KIRREL3: variants seen among roughly 807,000 people sequenced by gnomAD.
KIRREL3 encodes kirre like nephrin family adhesion molecule 3, also known as kin of IRRE-like protein 3.
KIRREL3 carries 36 observed loss-of-function variants against 89.7 expected under a neutral mutation model. The observed-to-expected ratio is 0.40, with a 90% CI of 0.31 to 0.53. The LOEUF (loss-of-function observed/expected upper bound fraction) is 0.53, where lower values mean the gene tolerates loss of function less well. KIRREL3 is among the 20% of genes least tolerant of loss of function. The pLI, the probability that KIRREL3 is intolerant of heterozygous loss-of-function variation, is 0.49. For synonymous variants in KIRREL3, 445 were observed against 441.4 expected (o/e 1.01, Z -0.10); for missense variants, 864 against 1,056.6 (o/e 0.82, Z 2.53).
Position 126,806,938 on chromosome 11 carries a change from C to A in KIRREL3, c.55+193517G>T, listed in dbSNP as rs536754086. Among the ~76,000 whole-genome samples, 10 of 152,020 alleles carry A rather than the reference C, an allele frequency of 6.6e-5. No individual in the cohort carries two copies. In the South Asian group the frequency reaches 2.1e-3, roughly 32 times the overall value. On this transcript the variant is annotated intron_variant, in intron 1 of 16. Transcript: ENST00000525144. ...ATGAGTGAGAACATGTGGTGTTTGG[C>A]TTTCTGTTCCTGTGTTAGTTTGCTG...
At chr11:126,822,184 T>G (rs1304333002) in intron 1 of KIRREL3, among the ~76,000 whole-genome samples, 2 of 152,204 alleles carry the variant, frequency 1.3e-5, no homozygotes, top group African/African-American at 4.8e-5. Flanking sequence ...AGAATGGCTA[T>G]CTTATGGAAT....
chr11:126,546,926 A>G (rs1036440625), intron 2 of KIRREL3, among the ~76,000 whole-genome samples: 3 of 152,264 alleles, frequency 2.0e-5, no homozygotes, highest in Admixed American at 6.5e-5. Flanking sequence ...GGTCAAAGTC[A>G]TATACTGAGA....
rs1949733363 is a variant in KIRREL3 at position 126,763,710 on chromosome 11, GTT to G, written c.56-200800_56-200799del. 6.6e-6 allele frequency among the ~76,000 whole-genome samples: 1 copy of G among 152,152 alleles called. No individual in the cohort carries two copies. The highest frequency in any genetic ancestry group is 2.4e-5 in the African/African-American group (1 of 41,422). On this transcript the variant is annotated intron_variant, in intron 1 of 16. Transcript: ENST00000525144. This position sits in a 1 kb window ranked among gnomAD's most constrained non-coding sequence, Gnocchi z 4.7. ...TGAGTTCCCACGCTTTTGAGCCTTT[GTT>G]TTCTCACTTGTGAAATGGGGACAAT... is the stretch of plus-strand genomic sequence containing the variant.
intron 1 of KIRREL3, among the ~76,000 whole-genome samples, chr11:126,654,337 G>T (rs1011492987): frequency 7.2e-6 from 1 of 139,220 alleles, no homozygotes; most frequent in Admixed American, 7.1e-5. Flanking sequence ...TAAACTGAAA[G>T]TTTTTTTTTT....
Position 126,953,046 on chromosome 11 carries a change from C to A in KIRREL3, c.55+47409G>T, listed in dbSNP as rs572150553. ...GACACATGCACATGTATGTTTATTG[C>A]AGCACTGTTCACAATAACAAAGACT... On this transcript the variant is annotated intron_variant, in intron 1 of 16. Transcript: ENST00000525144. The surrounding 1 kb of genome is among the most constrained non-coding windows in gnomAD (Gnocchi z 5.2). Among the ~76,000 whole-genome samples, 10 of 152,258 alleles carry A rather than the reference C, an allele frequency of 6.6e-5. 1 individual carries two copies. The South Asian group carries it at 2.1e-3, about 32-fold the overall frequency.
intron 1 of KIRREL3, among the ~76,000 whole-genome samples, chr11:126,889,186 T>A (rs1041419602): frequency 2.0e-5 from 3 of 151,718 alleles, no homozygotes; most frequent in African/African-American, 7.3e-5. Flanking sequence ...AAGTTTTCTC[T>A]TCCCCTTAGT....
At position 126,867,601 on chromosome 11, in the gene KIRREL3, A is replaced by G. The variant is rs183089380; in HGVS notation, c.55+132854T>C. On this transcript the variant is annotated intron_variant, in intron 1 of 16. Coordinates refer to ENST00000525144, the MANE Select transcript of KIRREL3 (RefSeq NM_032531.4). The surrounding 1 kb of genome is among the most constrained non-coding windows in gnomAD (Gnocchi z 4.7). ...ACTAGTATTAGTTAATAACATTAAT[A>G]CATTTCACCGAATGATTACCGAGTG... Among the ~76,000 whole-genome samples the G allele has an allele frequency of 1.3e-3, 195 of 152,350 alleles. No individual in the cohort carries two copies. Among genetic ancestry groups the G allele is most frequent in the Non-Finnish European group, 2.2e-3 (151 of 68,028 alleles).
At position 126,515,308 on chromosome 11, in the gene KIRREL3, G is replaced by T. The variant is rs1330380670; in HGVS notation, c.433+6007C>A. ...AAAACAAACAAACAAAAATTAGCTG[G>T]GTGAGGTGGTGCATGCCTGTGGTCT... On this transcript the variant is annotated intron_variant, in intron 4 of 16. Coordinates refer to ENST00000525144, the MANE Select transcript of KIRREL3 (RefSeq NM_032531.4). This position sits in a 1 kb window ranked among gnomAD's most constrained non-coding sequence, Gnocchi z 4.2. 2.0e-5 allele frequency among the ~76,000 whole-genome samples: 3 copies of T among 152,084 alleles called. No homozygotes were observed. The highest frequency in any genetic ancestry group is 6.6e-5 in the Admixed American group (1 of 15,264).
At chr11:126,701,853 C>T (rs1028089607) in intron 1 of KIRREL3, among the ~76,000 whole-genome samples, 6 of 152,328 alleles carry the variant, frequency 3.9e-5, no homozygotes, top group Middle Eastern at 6.8e-3. Flanking sequence ...AACCATCCCA[C>T]AGAGGTGCCA....
In KIRREL3 at chr11:126,442,341, CACACACACACACAA is replaced by C. The variant is rs1242813980; in HGVS notation, c.1253-1806_1253-1793del. On this transcript the variant is annotated intron_variant, in intron 10 of 16. Coordinates refer to ENST00000525144, the MANE Select transcript of KIRREL3 (RefSeq NM_032531.4). ...ACACACACACACACACACACACACA[CACACACACACACAA>C]AACCTTTTCCTTGTGCTTCCCAGGA... Among the ~76,000 whole-genome samples the C allele has an allele frequency of 4.0e-5, 6 of 149,892 alleles. 1 individual carries two copies. Among genetic ancestry groups the C allele is most frequent in the African/African-American group, 1.5e-4 (6 of 40,566 alleles).
chr11:126,511,988 C>T (rs1038045854), intron 4 of KIRREL3, among the ~76,000 whole-genome samples: 3 of 152,146 alleles, frequency 2.0e-5, no homozygotes, highest in Non-Finnish European at 4.4e-5. Flanking sequence ...CCCAGGATGC[C>T]CAGGAAGCTG....
At chr11:126,767,241 G>A (rs1180611721) in intron 1 of KIRREL3, among the ~76,000 whole-genome samples, 1 of 152,246 alleles carries the variant, frequency 6.6e-6, no homozygotes, top group Non-Finnish European at 1.5e-5. Flanking sequence ...AAGGGTCAGA[G>A]GAGCTCTTGG....
rs1426836935 is a variant in KIRREL3, at chr11:126,562,591, C to T, written c.133+244G>A. 6.6e-6 allele frequency among the ~76,000 whole-genome samples: 1 copy of T among 152,118 alleles called. No individual in the cohort carries two copies. Among genetic ancestry groups the T allele is most frequent in the Non-Finnish European group, 1.5e-5 (1 of 68,018 alleles). On this transcript the variant is annotated intron_variant, in intron 2 of 16. Transcript: ENST00000525144. The surrounding 1 kb of genome is among the most constrained non-coding windows in gnomAD (Gnocchi z 4.7). ...AAGAGAGAGGAAGAGAAGTAGGAGA[C>T]ACAAAGGGAGAAGGGAAGATTGCAT...
chr11:126,503,531 C>T (rs533478564), intron 4 of KIRREL3, among the ~76,000 whole-genome samples: 11 of 152,104 alleles, frequency 7.2e-5, no homozygotes, highest in Admixed American at 1.3e-4. Context: ...AGCTGGGTGG[C>T]CATGGGGAAG....
rs1458389954 is a variant in KIRREL3 at position 126,463,341 on chromosome 11, A to G, written c.592-34T>C. ...AAAGGGAAAGGGGAGAGAAAGCTCCATGTCGCTTGGCTGGGGTGGCCAGCC... is the reference window on the plus strand; with the variant it reads ...AAAGGGAAAGGGGAGAGAAAGCTCCGTGTCGCTTGGCTGGGGTGGCCAGCC... On this transcript the variant is annotated intron_variant, in intron 5 of 16. Transcript: ENST00000525144. This position sits in a 1 kb window ranked among gnomAD's most constrained non-coding sequence, Gnocchi z 5.9. 6.3e-7 allele frequency: 1 copy of G among 1,596,498 alleles called. No homozygotes were observed. Among genetic ancestry groups the G allele is most frequent in the Non-Finnish European group, 8.6e-7 (1 of 1,168,118 alleles).
At position 126,786,620 on chromosome 11, in the gene KIRREL3, G is replaced by T. The variant is rs140997682; in HGVS notation, c.55+213835C>A. Among the ~76,000 whole-genome samples the T allele has an allele frequency of 4.6e-5, 7 of 152,294 alleles. No homozygotes were observed. The East Asian group carries it at 1.3e-3, about 29-fold the overall frequency. On this transcript the variant is annotated intron_variant, in intron 1 of 16. Coordinates refer to ENST00000525144, the MANE Select transcript of KIRREL3 (RefSeq NM_032531.4). ...TGACTTCCTCCAGGATCACGTCTGG[G>T]AAACTTTTTCTTATCAAAATGACTG...
intron 1 of KIRREL3, among the ~76,000 whole-genome samples, chr11:126,732,467 C>T (rs1045401411): frequency 3.3e-5 from 5 of 152,114 alleles, no homozygotes; most frequent in African/African-American, 7.2e-5. Flanking sequence ...AAAACCCTAG[C>T]GCTCTCTGGT....
In KIRREL3 at chr11:126,978,921, T is replaced by C. The variant is rs1184024693; in HGVS notation, c.55+21534A>G. Among the ~76,000 whole-genome samples the C allele has an allele frequency of 6.6e-6, 1 of 152,174 alleles. No homozygotes were observed. Among genetic ancestry groups the C allele is most frequent in the Non-Finnish European group, 1.5e-5 (1 of 68,026 alleles). On this transcript the variant is annotated intron_variant, in intron 1 of 16. Transcript: ENST00000525144. The surrounding 1 kb of genome is among the most constrained non-coding windows in gnomAD (Gnocchi z 4.2). ...TGAGGTACACCTGCCTTTCTGAAAG[T>C]TTGGCAGGTTTCCCAGTGTGTACTG... is the stretch of plus-strand genomic sequence containing the variant.
chr11:126,673,298 C>A (rs1214569749), intron 1 of KIRREL3, among the ~76,000 whole-genome samples: 1 of 152,192 alleles, frequency 6.6e-6, no homozygotes, highest in Non-Finnish European at 1.5e-5. Context: ...AGAATCTGAA[C>A]CAGTCCCGTC....
Sources: allele counts gnomAD v4.1 joint callset (sites outside exome capture counted in the v4.1 genomes callset), GRCh38; gene constraint gnomAD v4.1.1; non-coding constraint Gnocchi (gnomAD v3.1); transcripts MANE v1.5; gene names NCBI Gene and HGNC (gene_info 2026-07-23, HGNC 2026-07-21).